Variants in MYO1F observed in about 807,000 individuals in gnomAD.
MYO1F encodes myosin IF, also known as unconventional myosin-If.
In MYO1F, 60 loss-of-function variants were observed where a neutral mutation model predicts 146.6. The ratio of observed to expected loss-of-function variants is 0.41; its 90% confidence interval spans 0.33 to 0.51. The LOEUF (loss-of-function observed/expected upper bound fraction) is 0.51, where lower values mean the gene tolerates loss of function less well. Among genes scored for constraint, MYO1F ranks in the 20% least tolerant of loss-of-function variants. The probability of loss-of-function intolerance (pLI) is 0.25; values close to 1 mark genes in which losing one functional copy is unlikely to be tolerated. For synonymous variants in MYO1F, 602 were observed against 602.1 expected (o/e 1.00, Z 0.00); for missense variants, 1,274 against 1,534.3 (o/e 0.83, Z 2.83).
intron 14 of MYO1F, among the ~76,000 whole-genome samples, chr19:8,543,662 GGTGGTGGTGGT>G (rs1170985485): frequency 5.5e-5 from 4 of 72,580 alleles, no homozygotes; most frequent in Middle Eastern, 6.5e-3. Context: ...TGCTGGTGGT[GGTGGTGGTGGT>G]GCTGGTGGTG....
chr19:8,549,221 G>A (rs145984163), intron 10 of MYO1F, among the ~76,000 whole-genome samples: 1 of 152,220 alleles, frequency 6.6e-6, no homozygotes, highest in African/African-American at 2.4e-5. Context: ...CAAAGTGCTG[G>A]GATTACAGGC....
chr19:8,548,334 G>T lies in MYO1F; in HGVS notation c.1102-17C>A, dbSNP rs59718615. On this transcript the variant is annotated splice_polypyrimidine_tract_variant and intron_variant, in intron 10 of 27. Coordinates refer to ENST00000644032, the MANE Select transcript of MYO1F (RefSeq NM_012335.4). ...GTTGATGGCCTGCGGTGTGGGTGGG[G>T]ACAGGAAGTCAGTGGGCATCGGTCA... 2.5e-6 allele frequency: 4 copies of T among 1,612,732 alleles called. No homozygotes were observed. Among genetic ancestry groups the T allele is most frequent in the East Asian group, 2.2e-5 (1 of 44,828 alleles).
intron 13 of MYO1F, among the ~76,000 whole-genome samples, chr19:8,544,747 A>G (rs1295196838): frequency 6.6e-6 from 1 of 152,042 alleles, no homozygotes; most frequent in Non-Finnish European, 1.5e-5. Flanking sequence ...CCCAGACTAG[A>G]ATCCCTTGGT....
chr19:8,554,410 TG>T, intron 4 of MYO1F, 66 bp downstream of exon 4: 3 of 1,351,808 alleles, frequency 2.2e-6, no homozygotes, highest in South Asian at 1.2e-5. Flanking sequence ...CAAACCTCCC[TG>T]GGGGTGGTGA....
intron 15 of MYO1F, among the ~76,000 whole-genome samples, chr19:8,541,421 G>GTTTTTTTTT (rs1336052012): frequency 1.5e-5 from 2 of 130,280 alleles, no homozygotes; most frequent in Non-Finnish European, 3.2e-5. Flanking sequence ...GTGTGTGTGT[G>GTTTTTTTTT]TGTGTTTTTT....
rs79734627 is a variant in MYO1F, at chr19:8,555,800, G to A, written c.4-4C>T. 2.5e-6 allele frequency: 4 copies of A among 1,610,734 alleles called. No individual in the cohort carries two copies. Among genetic ancestry groups the A allele is most frequent in the Admixed American group, 1.7e-5 (1 of 59,968 alleles). ...AGTGGAAGCGCTCCTTGCTGCCCTG[G>A]GGGGTGAGAGGGGGGTCGGGGTGAG... is the stretch of plus-strand genomic sequence containing the variant. On this transcript the variant is annotated splice_region_variant and splice_polypyrimidine_tract_variant and intron_variant, in intron 1 of 27. Coordinates refer to ENST00000644032, the MANE Select transcript of MYO1F (RefSeq NM_012335.4).
At chr19:8,535,628 T>C (rs1445573873) in intron 19 of MYO1F, among the ~76,000 whole-genome samples, 1 of 152,080 alleles carries the variant, frequency 6.6e-6, no homozygotes, top group African/African-American at 2.4e-5. Context: ...GGTCTATTTC[T>C]TCCAGAGTGT....
intron 19 of MYO1F, 85 bp downstream of exon 19, chr19:8,536,167 G>GTCTCTC (rs57614495): frequency 6.2e-4 from 843 of 1,367,834 alleles, no homozygotes; most frequent in Middle Eastern, 4.9e-3. Flanking sequence ...GTCTCCCTCT[G>GTCTCTC]TCTCTCTCTC....
At chr19:8,526,274 C>A (rs1343646006) in intron 24 of MYO1F, among the ~76,000 whole-genome samples, 179 bp downstream of exon 24, 1 of 152,124 alleles carries the variant, frequency 6.6e-6, no homozygotes, top group African/African-American at 2.4e-5. Flanking sequence ...TTGCGGTGAG[C>A]CAAGATCGTG....
At chr19:8,531,714 C>CA (rs1169777865) in intron 19 of MYO1F, among the ~76,000 whole-genome samples, 3 of 152,208 alleles carry the variant, frequency 2.0e-5, no homozygotes, top group Admixed American at 6.5e-5. Context: ...GGTATGATGT[C>CA]ACGGTTTCTT....
chr19:8,530,589 G>T lies in MYO1F; in HGVS notation c.2044-16C>A, dbSNP rs753730207. 17 of 1,595,218 alleles carry T rather than the reference G, an allele frequency of 1.1e-5. No individual in the cohort carries two copies. The highest frequency in any genetic ancestry group is 1.7e-5 in the Admixed American group (1 of 59,964). On this transcript the variant is annotated splice_polypyrimidine_tract_variant and intron_variant, in intron 19 of 27. Coordinates refer to ENST00000644032, the MANE Select transcript of MYO1F (RefSeq NM_012335.4). This position sits in a 1 kb window ranked among gnomAD's most constrained non-coding sequence, Gnocchi z 5.8. ...GGAGGAAAAGCTGGGCGGGGGTCGTGGGGGGCAAGGGTGAGTCCTGGTGTC... is the reference window on the plus strand; with the variant it reads ...GGAGGAAAAGCTGGGCGGGGGTCGTTGGGGGCAAGGGTGAGTCCTGGTGTC...
At chr19:8,555,313 T>A (rs1973798047) in intron 2 of MYO1F, 2 of 261,554 alleles carry the variant, frequency 7.6e-6, no homozygotes, top group South Asian at 7.9e-5. Flanking sequence ...GAGGTTGCAG[T>A]GAGCTGAGAT....
At chr19:8,543,286 C>T (rs759305538) in intron 14 of MYO1F, among the ~76,000 whole-genome samples, 3 of 152,276 alleles carry the variant, frequency 2.0e-5, no homozygotes, top group Middle Eastern at 3.4e-3. Context: ...AGAGTGTAGT[C>T]CTGTCTTTTG....
chr19:8,554,776 G>A, intron 2 of MYO1F, 33 bp from the exon 3 acceptor site: 1 of 1,601,842 alleles, frequency 6.2e-7, no homozygotes, highest in African/African-American at 1.3e-5. Flanking sequence ...GTGGTGTCCT[G>A]GTAGGTTTTG....
intron 16 of MYO1F, among the ~76,000 whole-genome samples, chr19:8,537,299 G>A (rs912527102): frequency 7.2e-5 from 11 of 152,220 alleles, no homozygotes; most frequent in South Asian, 2.1e-4. Flanking sequence ...GAGCTCTCAC[G>A]TCTACCGCAC....
intron 1 of MYO1F, among the ~76,000 whole-genome samples, chr19:8,575,530 G>A (rs2042224953): frequency 6.6e-6 from 1 of 151,920 alleles, no homozygotes; most frequent in Non-Finnish European, 1.5e-5. Flanking sequence ...CTCCTGCTCT[G>A]TGACCCGATA....
At chr19:8,560,248 G>T (rs1486968548) in intron 1 of MYO1F, among the ~76,000 whole-genome samples, 1 of 152,016 alleles carries the variant, frequency 6.6e-6, no homozygotes, top group African/African-American at 2.4e-5. Context: ...ACTTTGGGAG[G>T]CTGAGGCGGG....
chr19:8,562,421 C>T (rs1974182176), intron 1 of MYO1F, among the ~76,000 whole-genome samples: 1 of 152,176 alleles, frequency 6.6e-6, no homozygotes, highest in Non-Finnish European at 1.5e-5. Context: ...AATCCTCCTG[C>T]CTTGACCTCC....
rs368622600 is a variant in MYO1F, at chr19:8,536,479, G to A, written c.1898+20C>T. The A allele has an allele frequency of 1.7e-5, 28 of 1,611,628 alleles. No individual in the cohort carries two copies. Among genetic ancestry groups the A allele is most frequent in the Middle Eastern group, 1.6e-4 (1 of 6,082 alleles). On this transcript the variant is annotated intron_variant, in intron 18 of 27. Coordinates refer to ENST00000644032, the MANE Select transcript of MYO1F (RefSeq NM_012335.4). ...TTCTGATGAAGGGGATGGCGAGGGC[G>A]GGGGTGGAGGGCTCCTCACCTCTGC...
Sources: gnomAD v4.1 joint callset for allele counts (sites outside exome capture counted in the v4.1 genomes callset) on GRCh38, gnomAD v4.1.1 for gene constraint, Gnocchi (gnomAD v3.1) non-coding constraint, MANE v1.5 for transcripts, NCBI Gene and HGNC (gene_info 2026-07-23, HGNC 2026-07-21) for gene names.